The following XNDC1N variants were observed in gnomAD, a reference collection of about 807,000 sequenced individuals.
The protein encoded by XNDC1N is XRCC1 N-terminal domain containing 1, N-terminal like, also known as protein XNDC1N.
At chr11:71,873,194 C>T in the XNDC1N span, among the ~76,000 whole-genome samples, 8 of 151,886 alleles carry the variant, frequency 5.3e-5, no homozygotes, top group African/African-American at 1.9e-4. Context: ...TTCGATTCTT[C>T]AGTTGAGCAG....
chr11:71,904,220 G>T, the XNDC1N span: 1 of 390,556 alleles, frequency 2.6e-6, no homozygotes, highest in South Asian at 1.9e-5. Flanking sequence ...AACACCCATT[G>T]TGTCATTACG....
chr11:71,919,684 C>T, the XNDC1N span, among the ~76,000 whole-genome samples: 2 of 149,564 alleles, frequency 1.3e-5, no homozygotes, highest in African/African-American at 5.0e-5. Context: ...GTGATGCTAG[C>T]TCGGCACACT....
At chr11:71,927,531 A>G in the XNDC1N span, 1 of 152,114 alleles carries the variant, frequency 6.6e-6, no homozygotes, top group Non-Finnish European at 1.5e-5. Context: ...AAAGAAAAAA[A>G]AAAAGCACTC....
chr11:71,888,686 C>T, the XNDC1N span, among the ~76,000 whole-genome samples: 43 of 152,314 alleles, frequency 2.8e-4, no homozygotes, highest in East Asian at 7.7e-3. Context: ...CCTGCTAGTA[C>T]AAGAAGCAAA....
At chr11:71,885,374 C>T in the XNDC1N span, among the ~76,000 whole-genome samples, 1 of 152,054 alleles carries the variant, frequency 6.6e-6, no homozygotes, top group African/African-American at 2.4e-5. Flanking sequence ...TCCTATCAGC[C>T]CCTCCGCTTT....
chr11:71,928,298 C>T, the XNDC1N span: 2 of 606,240 alleles, frequency 3.3e-6, no homozygotes, highest in Admixed American at 5.7e-5. Context: ...CAGTTCATTT[C>T]CTTGATGGCC....
the XNDC1N span, among the ~76,000 whole-genome samples, chr11:71,887,453 TC>T: frequency 6.6e-6 from 1 of 151,786 alleles, no homozygotes; most frequent in Non-Finnish European, 1.5e-5. Flanking sequence ...ACACTTGTGG[TC>T]CCCCGAGAGG....
chr11:71,923,108 A>G, the XNDC1N span, among the ~76,000 whole-genome samples: 1 of 152,188 alleles, frequency 6.6e-6, no homozygotes, highest in Non-Finnish European at 1.5e-5. Context: ...TGTACTTTCA[A>G]CTTCTGAGAA....
the XNDC1N span, among the ~76,000 whole-genome samples, chr11:71,924,934 A>T: frequency 6.6e-6 from 1 of 152,046 alleles, no homozygotes; most frequent in African/African-American, 2.4e-5. Context: ...TGGCTCCTGA[A>T]AATATGAGTC....
chr11:71,902,195 G>GT, the XNDC1N span, among the ~76,000 whole-genome samples: 3 of 152,120 alleles, frequency 2.0e-5, no homozygotes, highest in Non-Finnish European at 4.4e-5. Context: ...GATTCTTTTT[G>GT]TTTTTTGTTT....
the XNDC1N span, among the ~76,000 whole-genome samples, chr11:71,869,070 A>T: frequency 2.0e-5 from 3 of 152,008 alleles, no homozygotes; most frequent in East Asian, 5.8e-4. Flanking sequence ...TTATTATTAT[A>T]CTTTAAGTTC....
chr11:71,911,952 G>T, the XNDC1N span, among the ~76,000 whole-genome samples: 1 of 152,158 alleles, frequency 6.6e-6, no homozygotes, highest in Non-Finnish European at 1.5e-5. Context: ...TGCAGGTAGA[G>T]GGAAGGACAA....
chr11:71,915,043 G>T, the XNDC1N span, among the ~76,000 whole-genome samples: 15,966 of 152,128 alleles, frequency 0.1, 1,694 homozygotes, highest in African/African-American at 0.28. Flanking sequence ...TGTGGCAAAT[G>T]TAATTGTCTT....
the XNDC1N span, among the ~76,000 whole-genome samples, chr11:71,911,030 A>G: frequency 1.3e-5 from 2 of 152,244 alleles, no homozygotes; most frequent in Admixed American, 6.5e-5. Context: ...TTTGAACCCA[A>G]ACTGTGGGGC....
At chr11:71,886,086 G>A in the XNDC1N span, among the ~76,000 whole-genome samples, 1 of 151,950 alleles carries the variant, frequency 6.6e-6, no homozygotes, top group African/African-American at 2.4e-5. Flanking sequence ...AAATGCCCCT[G>A]AGAGAGCAGC....
the XNDC1N span, among the ~76,000 whole-genome samples, chr11:71,888,668 G>A: frequency 6.6e-6 from 1 of 152,160 alleles, no homozygotes; most frequent in Non-Finnish European, 1.5e-5. Context: ...GGCCTTGGCA[G>A]CAACTGCCCT....
the XNDC1N span, among the ~76,000 whole-genome samples, chr11:71,888,574 G>A: frequency 1.3e-5 from 2 of 152,172 alleles, no homozygotes; most frequent in East Asian, 3.9e-4. Flanking sequence ...TTTGAACCCA[G>A]ACTGTGGGGC....
At chr11:71,915,435 G>A in the XNDC1N span, among the ~76,000 whole-genome samples, 12 of 149,522 alleles carry the variant, frequency 8.0e-5, no homozygotes, top group South Asian at 4.2e-4. Context: ...GCAACAGTGC[G>A]AGACTCTGTC....
At chr11:71,904,002 G>A in the XNDC1N span, 1 of 521,032 alleles carries the variant, frequency 1.9e-6, no homozygotes, top group African/African-American at 1.9e-5. Flanking sequence ...CCCCGAGAAA[G>A]CGTGCAGTGG....
Sources: gnomAD v4.1 joint callset for allele counts (sites outside exome capture counted in the v4.1 genomes callset) on GRCh38, gnomAD v4.1.1 for gene constraint, MANE v1.5 for transcripts, NCBI Gene and HGNC (gene_info 2026-07-23, HGNC 2026-07-21) for gene names.